Variants in CCSER1 observed in about 807,000 individuals in gnomAD.
The protein encoded by CCSER1 is serine-rich coiled-coil domain-containing protein 1.
In CCSER1, 41 loss-of-function variants were observed where a neutral mutation model predicts 82.0. The observed-to-expected ratio is 0.50, with a 90% CI of 0.39 to 0.65. The LOEUF (loss-of-function observed/expected upper bound fraction) is 0.65. CCSER1 is among the 30% of genes least tolerant of loss of function. CCSER1 has a pLI of 0.00. For missense variants in CCSER1, 1,119 were observed against 1,064.2 expected (o/e 1.05, Z -0.72); for synonymous variants, 414 against 383.9 (o/e 1.08, Z -0.92).
At chr4:90,749,471 T>G (rs1748176137) in intron 7 of CCSER1, among the ~76,000 whole-genome samples, 1 of 152,084 alleles carries the variant, frequency 6.6e-6, no homozygotes, top group Non-Finnish European at 1.5e-5. Flanking sequence ...TCAGGTAGCG[T>G]GATGCCTCTA....
Position 90,566,664 on chromosome 4 carries a change from G to A in CCSER1, c.1725-61361G>A, listed in dbSNP as rs1331701909. Among the ~76,000 whole-genome samples the A allele has an allele frequency of 4.7e-5, 7 of 149,872 alleles. No homozygotes were observed. The East Asian group carries it at 1.2e-3, about 25-fold the overall frequency. Reference sequence around the variant, plus strand: ...GTCGCCCAGGCTGGAGTGCAGTGGCGCAATCTCGGCTCACTGCAAGGTCCG... The same window carrying A: ...GTCGCCCAGGCTGGAGTGCAGTGGCACAATCTCGGCTCACTGCAAGGTCCG... On this transcript the variant is annotated intron_variant, in intron 5 of 10. Transcript: ENST00000509176.
At chr4:91,066,139 A>AG (rs1294970443) in intron 9 of CCSER1, among the ~76,000 whole-genome samples, 3 of 152,232 alleles carry the variant, frequency 2.0e-5, no homozygotes, top group Non-Finnish European at 4.4e-5. Context: ...AGTCAGACAC[A>AG]GGGAGATTGC....
At chr4:91,584,599 A>C (rs921613659) in intron 10 of CCSER1, among the ~76,000 whole-genome samples, 1 of 151,488 alleles carries the variant, frequency 6.6e-6, no homozygotes, top group Non-Finnish European at 1.5e-5. Context: ...TACTAGTAAA[A>C]GTTTTGTTTT....
At chr4:90,760,625 G>C (rs1580344546) in intron 7 of CCSER1, among the ~76,000 whole-genome samples, 1 of 152,022 alleles carries the variant, frequency 6.6e-6, no homozygotes, top group Admixed American at 6.6e-5. Flanking sequence ...AAAATACTCA[G>C]TTTAAACAAA....
rs979851256 is a variant in CCSER1, at chr4:90,613,737, A to G, written c.1725-14288A>G. Among the ~76,000 whole-genome samples, 7 of 152,198 alleles carry G rather than the reference A, an allele frequency of 4.6e-5. No homozygotes were observed. The East Asian group carries it at 1.3e-3, about 29-fold the overall frequency. On this transcript the variant is annotated intron_variant, in intron 5 of 10. Transcript: ENST00000509176. ...AGAGTAAGGAGTTTCTCGAAGGAAC[A>G]TAAAGGAACTGTTAACAAAGGACGT...
At chr4:90,436,658 A>G (rs963082456) in intron 4 of CCSER1, among the ~76,000 whole-genome samples, 4 of 152,200 alleles carry the variant, frequency 2.6e-5, no homozygotes, top group African/African-American at 7.2e-5. Context: ...TGTTTATATC[A>G]CAAAAAATTG....
chr4:90,591,480 A>G (rs1018177845), intron 5 of CCSER1, among the ~76,000 whole-genome samples: 1 of 152,202 alleles, frequency 6.6e-6, no homozygotes, highest in Non-Finnish European at 1.5e-5. Flanking sequence ...CAAAACAACA[A>G]TGAGATACCA....
At chr4:90,782,011 T>G in intron 7 of CCSER1, 2 of 845,934 alleles carry the variant, frequency 2.4e-6, no homozygotes, top group Non-Finnish European at 2.8e-6. Flanking sequence ...TAAAGTATTT[T>G]CCTAAATAGA....
At chr4:90,638,270 TG>T (rs1238108763) in intron 6 of CCSER1, among the ~76,000 whole-genome samples, 1 of 152,144 alleles carries the variant, frequency 6.6e-6, no homozygotes, top group East Asian at 1.9e-4. Context: ...ATCATGTGGT[TG>T]TTGCACAGGT....
In CCSER1 at chr4:90,723,928, T is replaced by C; in HGVS notation, c.1947T>C (p.Ser649=). Reference sequence around the variant, plus strand: ...TGTCCTTGCAGAGTGCAGACATGAGTCCAGCAAGCAGTACCACGTCACTTC... The same window carrying C: ...TGTCCTTGCAGAGTGCAGACATGAGCCCAGCAAGCAGTACCACGTCACTTC... The part of the protein sequence containing the change: ...KRVLQESADM[S]PASSTTSLPV... The change falls in exon 7 of 11, where the codon AGT becomes AGC. Residue 649 remains serine (S), a synonymous_variant. Coordinates refer to ENST00000509176, the MANE Select transcript of CCSER1 (RefSeq NM_001145065.2). The C allele has an allele frequency of 6.3e-7, 1 of 1,576,584 alleles. No homozygotes were observed. Among genetic ancestry groups the C allele is most frequent in the Non-Finnish European group, 8.6e-7 (1 of 1,158,750 alleles).
chr4:90,355,096 T>C (rs1020800117), intron 3 of CCSER1, among the ~76,000 whole-genome samples: 12 of 152,068 alleles, frequency 7.9e-5, no homozygotes, highest in Non-Finnish European at 1.3e-4. Context: ...TTAAGTAATA[T>C]GCAGACTGAA....
chr4:91,568,892 G>GGGT, intron 10 of CCSER1, among the ~76,000 whole-genome samples: 1 of 152,208 alleles, frequency 6.6e-6, no homozygotes, highest in East Asian at 1.9e-4. Flanking sequence ...GAAATGGTGA[G>GGGT]GTCATTTGGA....
chr4:90,861,538 T>C (rs1335825132), intron 8 of CCSER1, among the ~76,000 whole-genome samples: 2 of 151,770 alleles, frequency 1.3e-5, no homozygotes, highest in African/African-American at 4.8e-5. Context: ...TTTTTAAAAT[T>C]TGCCCTTGTA....
At chr4:90,991,037 G>A (rs1736986508) in intron 9 of CCSER1, among the ~76,000 whole-genome samples, 1 of 151,834 alleles carries the variant, frequency 6.6e-6, no homozygotes. Context: ...CAGGTGTTGG[G>A]GCCCAGGAAT....
intron 7 of CCSER1, among the ~76,000 whole-genome samples, chr4:90,742,842 T>G (rs977246775): frequency 1.0e-3 from 158 of 152,318 alleles, no homozygotes; most frequent in African/African-American, 3.8e-3. Flanking sequence ...TTTCGTAAAA[T>G]GTGTAATTCA....
intron 10 of CCSER1, among the ~76,000 whole-genome samples, chr4:91,162,897 A>AT (rs908196862): frequency 2.0e-5 from 3 of 151,850 alleles, no homozygotes; most frequent in African/African-American, 7.3e-5. Flanking sequence ...GGATTCATTG[A>AT]TTTTTTTGAA....
chr4:90,133,411 C>A (rs1242109641), intron 1 of CCSER1, among the ~76,000 whole-genome samples: 1 of 152,084 alleles, frequency 6.6e-6, no homozygotes, highest in African/African-American at 2.4e-5. Context: ...CAAAAGTTGA[C>A]CAATTTCTGT....
chr4:90,758,691 A>G (rs1228517299), intron 7 of CCSER1, among the ~76,000 whole-genome samples: 1 of 152,186 alleles, frequency 6.6e-6, no homozygotes, highest in East Asian at 1.9e-4. Flanking sequence ...AGATCAACAG[A>G]TATATACCCA....
intron 10 of CCSER1, among the ~76,000 whole-genome samples, chr4:91,582,466 C>T (rs1395183604): frequency 6.6e-6 from 1 of 151,522 alleles, no homozygotes; most frequent in Non-Finnish European, 1.5e-5. Flanking sequence ...ACTCTAGCTA[C>T]CCACATTTGG....
Sources: allele counts gnomAD v4.1 joint callset (sites outside exome capture counted in the v4.1 genomes callset), GRCh38; gene constraint gnomAD v4.1.1; transcripts MANE v1.5; gene names NCBI Gene and HGNC (gene_info 2026-07-23, HGNC 2026-07-21).